The following SCP2 variants were observed in gnomAD, a reference collection of about 807,000 sequenced individuals.
The protein encoded by SCP2 is sterol carrier protein 2.
Under a neutral mutation model 71.4 loss-of-function variants are expected in SCP2, and 48 were observed. The ratio of observed to expected loss-of-function variants is 0.67; its 90% CI spans 0.53 to 0.86. SCP2 has a LOEUF of 0.86. SCP2 is among the 40% of genes least tolerant of loss of function. The pLI, the probability that SCP2 is intolerant of heterozygous loss-of-function variation, is 0.00. For missense variants in SCP2, 560 were observed against 655.6 expected (o/e 0.85, Z 1.59); for synonymous variants, 220 against 218.1 (o/e 1.01, Z -0.08).
chr1:53,015,002 G>A lies in SCP2; in HGVS notation c.1194G>A (p.Val398=), dbSNP rs1313232913. ...ATAATTTAGGCATTGGAGGAGCTGT[G>A]GTTGTAACACTCTACAAGATGGGTT... The part of the protein sequence containing the change: ...LQHNLGIGGA[V]VVTLYKMGFP... Residue 398 remains valine (V), a synonymous_variant, in exon 12 of 16, where the codon GTG becomes GTA. Transcript: ENST00000371514. The A allele has an allele frequency of 1.2e-6, 2 of 1,614,144 alleles. No individual in the cohort carries two copies.
At chr1:52,933,256 A>T (rs899315350) in intron 1 of SCP2, among the ~76,000 whole-genome samples, 3 of 152,150 alleles carry the variant, frequency 2.0e-5, no homozygotes, top group African/African-American at 7.2e-5. Context: ...AAGTTGAGAA[A>T]ATTTGAGCTT....
intron 6 of SCP2, among the ~76,000 whole-genome samples, chr1:52,965,307 A>C (rs756938704): frequency 6.6e-6 from 1 of 151,816 alleles, no homozygotes; most frequent in Non-Finnish European, 1.5e-5. Flanking sequence ...CTTTACTCTC[A>C]ATTTGTTGAG....
intron 12 of SCP2, among the ~76,000 whole-genome samples, chr1:53,016,275 C>T (rs1293614383): frequency 1.3e-5 from 2 of 152,064 alleles, no homozygotes; most frequent in Non-Finnish European, 2.9e-5. Flanking sequence ...ATCCACAGCA[C>T]TTTGTATGTT....
At chr1:52,957,627 C>T (rs1470570430) in intron 5 of SCP2, among the ~76,000 whole-genome samples, 2 of 152,220 alleles carry the variant, frequency 1.3e-5, no homozygotes, top group Non-Finnish European at 2.9e-5. Flanking sequence ...CATGACTGTG[C>T]CACTGCACCC....
intron 10 of SCP2, among the ~76,000 whole-genome samples, chr1:52,987,653 C>G (rs1659118521): frequency 6.6e-6 from 1 of 152,056 alleles, no homozygotes; most frequent in African/African-American, 2.4e-5. Flanking sequence ...TAGTATATAG[C>G]AGTACAGATG....
chr1:53,018,249 C>T (rs1477934242), intron 12 of SCP2, among the ~76,000 whole-genome samples: 2 of 152,188 alleles, frequency 1.3e-5, no homozygotes, highest in Non-Finnish European at 2.9e-5. Flanking sequence ...TACCTTCTAC[C>T]TAGATTTACC....
At chr1:53,037,663 T>C (rs1285829848) in intron 13 of SCP2, among the ~76,000 whole-genome samples, 2 of 152,014 alleles carry the variant, frequency 1.3e-5, no homozygotes, top group African/African-American at 2.4e-5. Context: ...TTCTTTATAC[T>C]GATAGAGAAA....
chr1:52,987,447 T>A (rs1659101721), intron 10 of SCP2, among the ~76,000 whole-genome samples: 1 of 152,238 alleles, frequency 6.6e-6, no homozygotes, highest in South Asian at 2.1e-4. Context: ...CATCCATTTT[T>A]ATTTACTTCT....
intron 5 of SCP2, among the ~76,000 whole-genome samples, chr1:52,960,480 A>ATGTTTGTGTG (rs1553145896): frequency 1.4e-5 from 2 of 139,538 alleles, no homozygotes; most frequent in African/African-American, 5.5e-5. Context: ...TACTATGTAT[A>ATGTTTGTGTG]TGTGTGTGTG....
chr1:52,953,424 G>C (rs1281347172), intron 4 of SCP2, among the ~76,000 whole-genome samples: 1 of 151,980 alleles, frequency 6.6e-6, no homozygotes, highest in Non-Finnish European at 1.5e-5. Context: ...CCTGCCACCT[G>C]TGCCTCTTGG....
chr1:52,941,837 C>A lies in SCP2; in HGVS notation c.111C>A (p.Asp37Glu), dbSNP rs763468393. Residue 37 changes from aspartate (D) to glutamate (E), a missense_variant, in exon 2 of 16, where the codon GAC becomes GAA. This residue lies in a region of SCP2 where 513 missense variants were observed against 573.1 expected (regional missense o/e 0.90). Coordinates refer to ENST00000371514, the MANE Select transcript of SCP2 (RefSeq NM_002979.5). The part of the protein sequence containing the change: ...PGAENSRDYP[D>E]LAEEAGKKAL... ...CTGAGAATTCAAGAGACTACCCTGA[C>A]TTGGCAGAAGAAGCAGGTAACATAG... The A allele has an allele frequency of 1.1e-5, 18 of 1,606,332 alleles. No homozygotes were observed. The highest frequency in any genetic ancestry group is 1.4e-5 in the Non-Finnish European group (17 of 1,173,038).
intron 11 of SCP2, chr1:52,993,349 C>CATGT: frequency 6.2e-7 from 1 of 1,614,166 alleles, no homozygotes; most frequent in African/African-American, 1.3e-5. Flanking sequence ...CTGATGCCTC[C>CATGT]ATGTATGTTA....
intron 2 of SCP2, among the ~76,000 whole-genome samples, chr1:52,947,328 C>T (rs866883220): frequency 6.9e-5 from 10 of 144,458 alleles, no homozygotes; most frequent in African/African-American, 2.0e-4. Flanking sequence ...TCTTTTAACT[C>T]GTTTTGCTTT....
chr1:53,017,914 G>A (rs1661445719), intron 12 of SCP2, among the ~76,000 whole-genome samples: 1 of 152,156 alleles, frequency 6.6e-6, no homozygotes, highest in Non-Finnish European at 1.5e-5. Context: ...CAGTGCAATG[G>A]CACAATCTCG....
chr1:53,010,823 T>A (rs1660941330), intron 11 of SCP2, among the ~76,000 whole-genome samples: 1 of 152,166 alleles, frequency 6.6e-6, no homozygotes, highest in Non-Finnish European at 1.5e-5. Flanking sequence ...CTTGAGAATG[T>A]ACTTTGTGAG....
At chr1:52,980,581 T>C (rs756683955) in intron 10 of SCP2, 38 bp downstream of exon 10, 1 of 1,585,624 alleles carries the variant, frequency 6.3e-7, no homozygotes, top group Non-Finnish European at 8.7e-7. Flanking sequence ...TTCAGTAAAT[T>C]TCACTGAGAA....
chr1:52,971,419 T>C (rs915697215), intron 6 of SCP2, among the ~76,000 whole-genome samples: 2 of 152,220 alleles, frequency 1.3e-5, no homozygotes, highest in African/African-American at 4.8e-5. Context: ...ATTTGAAATA[T>C]AAATGTACAC....
intron 12 of SCP2, among the ~76,000 whole-genome samples, chr1:53,018,773 T>G (rs1661519618): frequency 6.6e-6 from 1 of 151,356 alleles, no homozygotes; most frequent in Non-Finnish European, 1.5e-5. Flanking sequence ...AAGACATGGA[T>G]ACAATACTAT....
chr1:52,966,861 C>G (rs1450110193), intron 6 of SCP2, among the ~76,000 whole-genome samples: 1 of 151,284 alleles, frequency 6.6e-6, no homozygotes, highest in Non-Finnish European at 1.5e-5. Context: ...CCATTGTACT[C>G]CAGCCTGGGT....
Sources: allele counts gnomAD v4.1 joint callset (sites outside exome capture counted in the v4.1 genomes callset), GRCh38; gene constraint gnomAD v4.1.1; regional missense constraint gnomAD v4.1.1; transcripts MANE v1.5; gene names NCBI Gene and HGNC (gene_info 2026-07-23, HGNC 2026-07-21).